PACSIN1: variants seen among roughly 807,000 people sequenced by gnomAD.
PACSIN1 encodes the protein protein kinase C and casein kinase substrate in neurons protein 1.
Under a neutral mutation model 59.5 loss-of-function variants are expected in PACSIN1, and 15 were observed. The observed-to-expected ratio is 0.25, with a 90% confidence interval of 0.17 to 0.39. The LOEUF is 0.39. Among genes scored for constraint, PACSIN1 ranks in the 10% least tolerant of loss-of-function variants. The pLI is 1.00. For missense variants in PACSIN1, 420 were observed against 580.2 expected, an observed-to-expected ratio of 0.72 and a Z score of 2.84; for synonymous variants, 210 against 220.6, an observed-to-expected ratio of 0.95 and a Z score of 0.42.
chr6:34,475,669 A>C lies in PACSIN1; in HGVS notation c.-64+9399A>C, dbSNP rs1227792346. ...TAAGCCAAGGGCAGCTCTCAGGGGA[A>C]GGGGGCAGCTGTGAGCTGCTAGCAG... On this transcript the variant is annotated intron_variant, in intron 1 of 9. Coordinates refer to ENST00000244458, the MANE Select transcript of PACSIN1 (RefSeq NM_020804.5). Among the ~76,000 whole-genome samples, 7 of 152,146 alleles carry C rather than the reference A, an allele frequency of 4.6e-5. 1 individual carries two copies. The highest frequency in any genetic ancestry group is 4.6e-4 in the Admixed American group (7 of 15,276).
rs76107911 is a variant in PACSIN1 at position 34,529,003 on chromosome 6, G to A, written c.456+126G>A. On this transcript the variant is annotated intron_variant, in intron 4 of 9. Coordinates refer to ENST00000244458, the MANE Select transcript of PACSIN1 (RefSeq NM_020804.5). This position sits in a 1 kb window ranked among gnomAD's most constrained non-coding sequence, Gnocchi z 6.3. Reference sequence around the variant, plus strand: ...GCCCTCTGGGATTGTGCCCACAGGGGAGCAGCACTGCCTTCCAGGAAAAAA... The same window carrying A: ...GCCCTCTGGGATTGTGCCCACAGGGAAGCAGCACTGCCTTCCAGGAAAAAA... 27 of 724,520 alleles carry A rather than the reference G, an allele frequency of 3.7e-5. No individual in the cohort carries two copies. Among genetic ancestry groups the A allele is most frequent in the Non-Finnish European group, 5.7e-5 (25 of 437,182 alleles). 44.9% of individuals were successfully genotyped at this position (724,520 alleles called of 1,614,324 possible). A position where few individuals can be genotyped will look rare whatever the true frequency, so the allele number is the denominator to read the frequency against.
intron 1 of PACSIN1, among the ~76,000 whole-genome samples, chr6:34,477,434 C>T (rs1020254831): frequency 2.6e-5 from 4 of 152,060 alleles, no homozygotes; most frequent in African/African-American, 9.7e-5. Context: ...ATGTCCATCT[C>T]ACTGTGGGTG....
intron 1 of PACSIN1, among the ~76,000 whole-genome samples, chr6:34,502,276 T>A (rs1465850367): frequency 6.6e-6 from 1 of 151,984 alleles, no homozygotes; most frequent in Non-Finnish European, 1.5e-5. Context: ...GAACTTGTCC[T>A]TTGGAATGCT....
intron 1 of PACSIN1, among the ~76,000 whole-genome samples, chr6:34,498,707 G>T (rs2127256976): frequency 6.7e-6 from 1 of 149,288 alleles, no homozygotes; most frequent in Admixed American, 6.8e-5. Flanking sequence ...GAGGTGGGAG[G>T]ATCACCTGAG....
chr6:34,528,902 C>CCCACCCCACCCCGCCCGT, intron 4 of PACSIN1, 25 bp downstream of exon 4: 2 of 268,080 alleles, frequency 7.5e-6, no homozygotes, highest in Non-Finnish European at 1.5e-5. Flanking sequence ...CTGCCACGGG[C>CCCACCCCACCCCGCCCGT]GGGGTGGGGT....
chr6:34,469,484 C>G (rs9394225), intron 1 of PACSIN1, among the ~76,000 whole-genome samples: 2 of 152,030 alleles, frequency 1.3e-5, no homozygotes, highest in African/African-American at 4.8e-5. Flanking sequence ...GGAGGGGTCC[C>G]GGAGCTTCAC....
intron 1 of PACSIN1, among the ~76,000 whole-genome samples, chr6:34,494,577 G>C (rs1287014326): frequency 6.6e-6 from 1 of 152,106 alleles, no homozygotes. Context: ...CAAGTAGGTG[G>C]AACCACAGTT....
rs1164114639 is a variant in PACSIN1, at chr6:34,516,047, G to A, written c.-63-10196G>A. 2.0e-5 allele frequency among the ~76,000 whole-genome samples: 3 copies of A among 152,168 alleles called. No homozygotes were observed. In the East Asian group the frequency reaches 5.8e-4, roughly 29 times the overall value. On this transcript the variant is annotated intron_variant, in intron 1 of 9. Coordinates refer to ENST00000244458, the MANE Select transcript of PACSIN1 (RefSeq NM_020804.5). The surrounding 1 kb of genome is among the most constrained non-coding windows in gnomAD (Gnocchi z 5.4). ...TGAGCCACCTTGGGTGGCATAGGGA[G>A]GAGATGCTAGCCTGCAAGGGGCAGA... is the stretch of plus-strand genomic sequence containing the variant.
At chr6:34,523,025 C>T (rs987601136) in intron 1 of PACSIN1, among the ~76,000 whole-genome samples, 3 of 152,220 alleles carry the variant, frequency 2.0e-5, no homozygotes, top group Non-Finnish European at 4.4e-5. Flanking sequence ...CAGGCATACC[C>T]GGAAATAATG....
At chr6:34,467,466 C>G (rs1766512334) in intron 1 of PACSIN1, among the ~76,000 whole-genome samples, 1 of 151,758 alleles carries the variant, frequency 6.6e-6, no homozygotes, top group East Asian at 1.9e-4. Context: ...GGGAGGGGGT[C>G]GAGCCCCTTC....
intron 1 of PACSIN1, among the ~76,000 whole-genome samples, chr6:34,505,725 C>A (rs936230317): frequency 4.7e-5 from 7 of 149,962 alleles, no homozygotes; most frequent in Admixed American, 1.3e-4. Flanking sequence ...CCTCTGCCTG[C>A]CTGGTTCAAG....
At chr6:34,484,722 C>T (rs1468177351) in intron 1 of PACSIN1, among the ~76,000 whole-genome samples, 1 of 151,974 alleles carries the variant, frequency 6.6e-6, no homozygotes. Context: ...TATGGGAACT[C>T]TCTGTATTTT....
chr6:34,493,043 T>C (rs1233645379), intron 1 of PACSIN1, among the ~76,000 whole-genome samples: 1 of 152,228 alleles, frequency 6.6e-6, no homozygotes, highest in African/African-American at 2.4e-5. Flanking sequence ...CAGGCCTCAG[T>C]TGATCCCATA....
At position 34,535,126 on chromosome 6, in the gene PACSIN1, TTGTACATGATTGTG is replaced by T. The variant is rs1156333387; in HGVS notation, c.*2598_*2611del. The T allele has an allele frequency of 6.6e-6, 1 of 152,368 alleles. No homozygotes were observed. The highest frequency in any genetic ancestry group is 1.5e-5 in the Non-Finnish European group (1 of 68,042). The allele number at this position is 152,368 out of a possible 1,614,324, so 9.4% of individuals were successfully genotyped here. ...CTGTGGTCTCAGCAATGCACCTGTTTTGTACATGATTGTGTAATTTAAAGGTATATAAATACAAA... is the reference window on the plus strand; with the variant it reads ...CTGTGGTCTCAGCAATGCACCTGTTTTAATTTAAAGGTATATAAATACAAA... On this transcript the variant is annotated 3_prime_UTR_variant, in exon 10 of 10. Transcript: ENST00000244458.
chr6:34,487,057 C>T (rs1766805340), intron 1 of PACSIN1, among the ~76,000 whole-genome samples: 1 of 151,502 alleles, frequency 6.6e-6, no homozygotes, highest in Non-Finnish European at 1.5e-5. Flanking sequence ...GTAATCCCAG[C>T]TGCTTAGGAG....
chr6:34,489,954 C>T (rs1380581700), intron 1 of PACSIN1, among the ~76,000 whole-genome samples: 1 of 152,202 alleles, frequency 6.6e-6, no homozygotes, highest in Non-Finnish European at 1.5e-5. Flanking sequence ...GACCTGGTCT[C>T]TCCTTCAGTC....
intron 1 of PACSIN1, among the ~76,000 whole-genome samples, chr6:34,525,000 C>T (rs1306679791): frequency 6.6e-6 from 1 of 152,140 alleles, no homozygotes; most frequent in Non-Finnish European, 1.5e-5. Context: ...CCTGGCTGAC[C>T]ATGCTTCCTT....
chr6:34,514,794 AGGTG>A lies in PACSIN1; in HGVS notation c.-63-11443_-63-11440del, dbSNP rs1444810039. The A allele has an allele frequency of 6.6e-6, 1 of 152,472 alleles. No homozygotes were observed. Among genetic ancestry groups the A allele is most frequent in the African/African-American group, 2.4e-5 (1 of 41,404 alleles). 9.4% of individuals were successfully genotyped at this position (152,472 alleles called of 1,614,324 possible). ...AGTTGCCATAGAAACGAGCAGAAGG[AGGTG>A]GGTGGCTGGAGAAGGAGGCGGGTCG... is the stretch of plus-strand genomic sequence containing the variant. On this transcript the variant is annotated intron_variant, in intron 1 of 9. Coordinates refer to ENST00000244458, the MANE Select transcript of PACSIN1 (RefSeq NM_020804.5). This position sits in a 1 kb window ranked among gnomAD's most constrained non-coding sequence, Gnocchi z 4.4.
intron 1 of PACSIN1, among the ~76,000 whole-genome samples, chr6:34,483,505 A>G (rs1766750489): frequency 6.6e-6 from 1 of 151,904 alleles, no homozygotes; most frequent in African/African-American, 2.4e-5. Context: ...TTCAGTTCCT[A>G]CTGCTCCTCT....
Sources: allele counts gnomAD v4.1 joint callset (sites outside exome capture counted in the v4.1 genomes callset), GRCh38; gene constraint gnomAD v4.1.1; non-coding constraint Gnocchi (gnomAD v3.1); transcripts MANE v1.5; gene names NCBI Gene and HGNC (gene_info 2026-07-23, HGNC 2026-07-21).